ZDHHC15: variants seen among roughly 807,000 people sequenced by gnomAD.
The protein encoded by ZDHHC15 is zDHHC palmitoyltransferase 15.
ZDHHC15 carries 19 observed loss-of-function variants against 31.7 expected under a neutral mutation model. The observed-to-expected ratio is 0.60, with a 90% CI of 0.42 to 0.88. The LOEUF (loss-of-function observed/expected upper bound fraction) is 0.88. Among genes scored for constraint, ZDHHC15 ranks in the 40% least tolerant of loss-of-function variants. The probability of loss-of-function intolerance (pLI) is 0.00; values close to 1 mark genes in which losing one functional copy is unlikely to be tolerated. For missense variants in ZDHHC15, 209 were observed against 251.2 expected (o/e 0.83, Z 1.14); for synonymous variants, 103 against 90.0 (o/e 1.14, Z -0.82).
chrX:75,447,344 C>T (rs779895232), intron 4 of ZDHHC15, among the ~76,000 whole-genome samples: 6 of 112,477 alleles, frequency 5.3e-5, no homozygotes, highest in South Asian at 7.4e-4. Flanking sequence ...AAAGTGCCAT[C>T]GATGGACTTA....
intron 4 of ZDHHC15, among the ~76,000 whole-genome samples, chrX:75,442,981 G>A (rs1466626480): frequency 8.1e-5 from 6 of 73,647 alleles, no homozygotes; most frequent in South Asian, 8.4e-4. Context: ...GCGAGACTCC[G>A]TCTCAAAAAA....
At chrX:75,514,778 C>T (rs2085330021) in intron 1 of ZDHHC15, among the ~76,000 whole-genome samples, 1 of 111,350 alleles carries the variant, frequency 9.0e-6, no homozygotes, top group African/African-American at 3.3e-5. Context: ...CCCATGGAGC[C>T]TTGCTCACTG....
intron 9 of ZDHHC15, among the ~76,000 whole-genome samples, chrX:75,419,090 ATAACT>A (rs919083658): frequency 1.3e-4 from 15 of 111,407 alleles, no homozygotes; most frequent in Non-Finnish European, 1.7e-4. Flanking sequence ...GAATCTACAA[ATAACT>A]TAAACATATT....
chrX:75,400,286 A>G (rs967707846), intron 10 of ZDHHC15, among the ~76,000 whole-genome samples: 1 of 111,987 alleles, frequency 8.9e-6, no homozygotes, highest in Non-Finnish European at 1.9e-5. Flanking sequence ...AAAGAACCTA[A>G]TGGGTCTGAC....
intron 3 of ZDHHC15, among the ~76,000 whole-genome samples, chrX:75,460,398 G>A (rs1406364344): frequency 9.0e-6 from 1 of 110,708 alleles, no homozygotes; most frequent in Non-Finnish European, 1.9e-5. Context: ...ACAAGGATGG[G>A]TTCCCTCCAG....
chrX:75,430,105 C>A, intron 5 of ZDHHC15, 125 bp from the exon 6 acceptor site: 1 of 717,161 alleles, frequency 1.4e-6, no homozygotes, highest in Non-Finnish European at 2.0e-6. Context: ...CTCAGATTTC[C>A]ACTATAGTGA....
rs2083557614 is a variant in ZDHHC15, at chrX:75,417,106, G to C, written c.948C>G (p.Asp316Glu). 1 of 1,206,328 alleles carries C rather than the reference G, an allele frequency of 8.3e-7. No individual in the cohort carries two copies. Among genetic ancestry groups the C allele is most frequent in the African/African-American group, 1.8e-5 (1 of 57,019 alleles). Residue 316 changes from aspartate to glutamate, a missense_variant, in exon 10 of 12, where the codon GAC becomes GAG. Physicochemically the swap from Asp to Glu is conservative, Grantham distance 45. Coordinates refer to ENST00000373367, the MANE Select transcript of ZDHHC15 (RefSeq NM_144969.3). ...PLLANEETWEDNEDDNQDYPE... is the reference protein window; with the variant it reads ...PLLANEETWEENEDDNQDYPE... Reference sequence around the variant, plus strand: ...ACTTACCTTGGTTGTCATCCTCGTTGTCTTCCCAGGTTTCTTCATTTGCTA... The same window carrying C: ...ACTTACCTTGGTTGTCATCCTCGTTCTCTTCCCAGGTTTCTTCATTTGCTA...
intron 2 of ZDHHC15, among the ~76,000 whole-genome samples, chrX:75,500,458 C>T (rs1450451175): frequency 9.2e-6 from 1 of 108,844 alleles, no homozygotes; most frequent in African/African-American, 3.3e-5. Flanking sequence ...AACAACCAAG[C>T]CTATATAAAT....
At chrX:75,471,391 A>C (rs912349126) in intron 3 of ZDHHC15, among the ~76,000 whole-genome samples, 7 of 112,228 alleles carry the variant, frequency 6.2e-5, no homozygotes, top group African/African-American at 1.9e-4. Flanking sequence ...AGAAGTAGCA[A>C]ATACACTGGA....
intron 1 of ZDHHC15, among the ~76,000 whole-genome samples, chrX:75,506,579 T>C (rs1449683745): frequency 1.8e-5 from 2 of 111,949 alleles, no homozygotes; most frequent in African/African-American, 3.2e-5. Flanking sequence ...TGAAGATTGA[T>C]ACCAACTCCT....
Position 75,505,802 on chromosome X carries a change from A to C in ZDHHC15, c.163+19T>G, listed in dbSNP as rs371761216. ...AAAGGACACGGTCCTGATCAATACA[A>C]TTTCCAACATCATCTTACCTTTTTC... is the stretch of plus-strand genomic sequence containing the variant. On this transcript the variant is annotated intron_variant, in intron 2 of 11. Transcript: ENST00000373367. 8.3e-7 allele frequency: 1 copy of C among 1,206,609 alleles called. No individual in the cohort carries two copies. The highest frequency in any genetic ancestry group is 1.1e-6 in the Non-Finnish European group (1 of 893,405).
chrX:75,384,455 G>A, intron 10 of ZDHHC15: 2 of 842,902 alleles, frequency 2.4e-6, no homozygotes, highest in South Asian at 2.0e-5. Context: ...TATAAGAAAG[G>A]TGATATTGTA....
intron 10 of ZDHHC15, among the ~76,000 whole-genome samples, chrX:75,391,076 A>T (rs2083237300): frequency 8.9e-6 from 1 of 112,022 alleles, no homozygotes; most frequent in African/African-American, 3.2e-5. Context: ...AATTCAATTG[A>T]ATACTGACGA....
chrX:75,390,342 G>A (rs150307196), intron 10 of ZDHHC15, among the ~76,000 whole-genome samples: 2 of 111,937 alleles, frequency 1.8e-5, no homozygotes, highest in Non-Finnish European at 3.8e-5. Flanking sequence ...CCTGCTGATT[G>A]TAGAGCCCTA....
chrX:75,448,133 T>A (rs1364118887), intron 4 of ZDHHC15, among the ~76,000 whole-genome samples: 1 of 112,232 alleles, frequency 8.9e-6, no homozygotes, highest in African/African-American at 3.2e-5. Flanking sequence ...AAAGACTATG[T>A]CAAGAATACA....
chrX:75,455,905 G>T (rs1266464768), intron 3 of ZDHHC15, among the ~76,000 whole-genome samples: 2 of 111,740 alleles, frequency 1.8e-5, no homozygotes, highest in South Asian at 3.7e-4. Flanking sequence ...ACCATTGGTG[G>T]GAGTGTAAAC....
At chrX:75,455,186 C>A (rs1484299624) in intron 3 of ZDHHC15, among the ~76,000 whole-genome samples, 1 of 111,391 alleles carries the variant, frequency 9.0e-6, no homozygotes, top group Non-Finnish European at 1.9e-5. Context: ...CCCAATGGAA[C>A]AGAACAGAGG....
At chrX:75,506,118 A>G (rs1172699783) in intron 1 of ZDHHC15, among the ~76,000 whole-genome samples, 1 of 111,730 alleles carries the variant, frequency 9.0e-6, no homozygotes, top group East Asian at 2.8e-4. Flanking sequence ...GATTATTTTC[A>G]ATGTTTCTTT....
chrX:75,408,922 A>G (rs1231232394), intron 10 of ZDHHC15, among the ~76,000 whole-genome samples: 1 of 112,114 alleles, frequency 8.9e-6, no homozygotes, highest in Non-Finnish European at 1.9e-5. Context: ...ACTATAAAAC[A>G]TTGATGAAAA....
Sources: allele counts gnomAD v4.1 joint callset (sites outside exome capture counted in the v4.1 genomes callset), GRCh38; gene constraint gnomAD v4.1.1; transcripts MANE v1.5; gene names NCBI Gene and HGNC (gene_info 2026-07-23, HGNC 2026-07-21).